The following ZFHX3 variants were observed in gnomAD, a reference collection of about 807,000 sequenced individuals.
ZFHX3 encodes the protein zinc finger homeobox protein 3.
A neutral mutation model predicts 279.1 loss-of-function variants in ZFHX3; 42 were observed. The ratio of observed to expected loss-of-function variants is 0.15; its 90% CI spans 0.12 to 0.19. The LOEUF (loss-of-function observed/expected upper bound fraction) is 0.19. ZFHX3 is among the 10% of genes least tolerant of loss of function. The pLI, the probability that ZFHX3 is intolerant of heterozygous loss-of-function variation, is 1.00. For missense variants in ZFHX3, 4,981 were observed against 4,754.0 expected (o/e 1.05, Z -1.40); for synonymous variants, 2,293 against 1,957.8 (o/e 1.17, Z -4.52).
chr16:73,616,901 C>T (rs151186532), intron 2 of ZFHX3, among the ~76,000 whole-genome samples: 485 of 152,258 alleles, frequency 3.2e-3, no homozygotes, highest in African/African-American at 0.01. Context: ...AAGCTAATTC[C>T]CTTCTTCCAC....
chr16:73,689,100 C>T (rs2053121037), intron 1 of ZFHX3, among the ~76,000 whole-genome samples: 1 of 152,158 alleles, frequency 6.6e-6, no homozygotes, highest in African/African-American at 2.4e-5. Flanking sequence ...TGCAAACCAA[C>T]CCATTTTAAA....
chr16:73,760,021 A>ATTTT (rs1567400802), intron 1 of ZFHX3, among the ~76,000 whole-genome samples: 2 of 138,996 alleles, frequency 1.4e-5, no homozygotes, highest in African/African-American at 5.3e-5. Context: ...TTTTTTTTAA[A>ATTTT]AAAAAATTAA....
intron 1 of ZFHX3, among the ~76,000 whole-genome samples, chr16:73,720,040 C>A (rs60635586): frequency 0.015 from 2,306 of 152,254 alleles, 62 homozygotes; most frequent in African/African-American, 0.053. Flanking sequence ...AACAGGCAAT[C>A]TCAACAAAAT....
At chr16:73,747,344 C>A (rs975341980) in intron 1 of ZFHX3, among the ~76,000 whole-genome samples, 3 of 152,142 alleles carry the variant, frequency 2.0e-5, no homozygotes, top group African/African-American at 7.2e-5. Context: ...GATTGTACCA[C>A]TGCACTTAAG....
intron 9 of ZFHX3, chr16:72,791,662 C>G (rs757948120): frequency 2.6e-5 from 4 of 152,168 alleles, no homozygotes; most frequent in Non-Finnish European, 4.4e-5. Context: ...TAAGCCTTCC[C>G]AAGCCCCTCT....
chr16:73,617,860 A>G (rs2052320902), intron 2 of ZFHX3, among the ~76,000 whole-genome samples: 1 of 152,138 alleles, frequency 6.6e-6, no homozygotes, highest in South Asian at 2.1e-4. Context: ...AGCTACCCAG[A>G]TGCTATCCTT....
At chr16:73,752,243 A>G (rs984805836) in intron 1 of ZFHX3, among the ~76,000 whole-genome samples, 2 of 150,900 alleles carry the variant, frequency 1.3e-5, no homozygotes, top group Non-Finnish European at 3.0e-5. Context: ...GTCTATAACG[A>G]CCTCCTTTTG....
At chr16:73,611,637 G>A (rs941430709) in intron 2 of ZFHX3, among the ~76,000 whole-genome samples, 4 of 152,128 alleles carry the variant, frequency 2.6e-5, no homozygotes, top group African/African-American at 9.7e-5. Flanking sequence ...ATCCAGTGAA[G>A]GTCTAATTAG....
At chr16:73,308,850 A>G (rs894594287) in intron 4 of ZFHX3, among the ~76,000 whole-genome samples, 1 of 150,024 alleles carries the variant, frequency 6.7e-6, no homozygotes. Context: ...ATTAAAATAT[A>G]TCTTAAAAAT....
rs192887994 is a variant in ZFHX3, at chr16:72,978,727, T to C, written c.-49-18533A>G. Among the ~76,000 whole-genome samples the C allele has an allele frequency of 1.1e-3, 160 of 152,304 alleles. 1 individual carries two copies. The highest frequency in any genetic ancestry group is 1.7e-3 in the Non-Finnish European group (119 of 68,020). ...TCCAGGGATGCAGAATAAACATCCT[T>C]ACAACCAATCTCCACAGCCCCTTGG... is the stretch of plus-strand genomic sequence containing the variant. On this transcript the variant is annotated intron_variant, in intron 1 of 9. Coordinates refer to ENST00000268489, the MANE Select transcript of ZFHX3 (RefSeq NM_006885.4).
chr16:73,178,406 T>C (rs962418095), intron 5 of ZFHX3, among the ~76,000 whole-genome samples: 1 of 152,204 alleles, frequency 6.6e-6, no homozygotes, highest in Non-Finnish European at 1.5e-5. Context: ...CCCAAAGTGC[T>C]GGGATCGCAG....
chr16:72,915,356 G>A (rs1021079829), intron 3 of ZFHX3, among the ~76,000 whole-genome samples: 3 of 152,154 alleles, frequency 2.0e-5, no homozygotes, highest in Admixed American at 6.6e-5. Flanking sequence ...ACCTAGACTC[G>A]CAGAACACAT....
intron 1 of ZFHX3, among the ~76,000 whole-genome samples, chr16:73,804,398 C>T (rs1156428333): frequency 3.9e-5 from 6 of 152,292 alleles, no homozygotes; most frequent in South Asian, 2.1e-4. Context: ...AGGATGGCCA[C>T]GCAGTCCAAA....
intron 5 of ZFHX3, among the ~76,000 whole-genome samples, chr16:72,816,583 C>T (rs1326534542): frequency 1.3e-5 from 2 of 152,178 alleles, no homozygotes; most frequent in Non-Finnish European, 2.9e-5. Context: ...GGTGGCCCTA[C>T]CCAACGCGTG....
At chr16:73,781,413 G>C (rs970845947) in intron 1 of ZFHX3, among the ~76,000 whole-genome samples, 1 of 152,078 alleles carries the variant, frequency 6.6e-6, no homozygotes, top group Non-Finnish European at 1.5e-5. Context: ...GGGAACCACT[G>C]GTGTAGATCA....
At chr16:73,687,443 T>G (rs1345072787) in intron 1 of ZFHX3, among the ~76,000 whole-genome samples, 1 of 151,910 alleles carries the variant, frequency 6.6e-6, no homozygotes, top group East Asian at 1.9e-4. Flanking sequence ...TATCCTGTGT[T>G]GTTACATGTG....
chr16:73,651,020 T>C (rs1036263168), intron 2 of ZFHX3, among the ~76,000 whole-genome samples: 3 of 151,908 alleles, frequency 2.0e-5, no homozygotes, highest in African/African-American at 7.3e-5. Flanking sequence ...ATAAACAAAA[T>C]AAGAATAAAA....
intron 2 of ZFHX3, among the ~76,000 whole-genome samples, chr16:73,518,538 G>A (rs1038431950): frequency 2.0e-5 from 3 of 152,060 alleles, no homozygotes; most frequent in Non-Finnish European, 4.4e-5. Flanking sequence ...CAGCAGAGAG[G>A]GACAGTTAGC....
chr16:73,482,942 A>G (rs1429702218), intron 2 of ZFHX3, among the ~76,000 whole-genome samples: 1 of 152,254 alleles, frequency 6.6e-6, no homozygotes, highest in Non-Finnish European at 1.5e-5. Flanking sequence ...AAAAAATTAT[A>G]TTCAAAACCA....
Sources: allele counts gnomAD v4.1 joint callset (sites outside exome capture counted in the v4.1 genomes callset), GRCh38; gene constraint gnomAD v4.1.1; transcripts MANE v1.5; gene names NCBI Gene and HGNC (gene_info 2026-07-23, HGNC 2026-07-21).